Variants in DIAPH2 observed in about 807,000 individuals in gnomAD.
The protein encoded by DIAPH2 is protein diaphanous homolog 2.
Under a neutral mutation model 92.7 loss-of-function variants are expected in DIAPH2, and 35 were observed. The ratio of observed to expected loss-of-function variants is 0.38; its 90% CI spans 0.29 to 0.50. The LOEUF (loss-of-function observed/expected upper bound fraction) is 0.50. Among genes scored for constraint, DIAPH2 ranks in the 20% least tolerant of loss-of-function variants. The pLI, the probability that DIAPH2 is intolerant of heterozygous loss-of-function variation, is 0.94. For synonymous variants in DIAPH2, 301 were observed against 280.4 expected (o/e 1.07, Z -0.73); for missense variants, 701 against 819.5 (o/e 0.86, Z 1.77).
intron 1 of DIAPH2, among the ~76,000 whole-genome samples, chrX:96,727,313 A>G (rs1344461955): frequency 1.8e-5 from 2 of 112,330 alleles, no homozygotes; most frequent in Non-Finnish European, 3.8e-5. Context: ...TTTCTAAAAT[A>G]CCATTTTCTC....
At chrX:97,534,208 T>G (rs2071080507) in intron 26 of DIAPH2, among the ~76,000 whole-genome samples, 1 of 111,727 alleles carries the variant, frequency 9.0e-6, no homozygotes, top group Non-Finnish European at 1.9e-5. Context: ...CCTTTGCTTT[T>G]CCATCTCTTT....
At chrX:97,187,978 G>A (rs2067621856) in intron 22 of DIAPH2, among the ~76,000 whole-genome samples, 2 of 111,787 alleles carry the variant, frequency 1.8e-5, no homozygotes, top group South Asian at 7.5e-4. Context: ...TTTAGATTTA[G>A]TTCTGGATTA....
chrX:97,040,296 A>G (rs2066439942), intron 17 of DIAPH2, among the ~76,000 whole-genome samples: 1 of 109,402 alleles, frequency 9.1e-6, no homozygotes. Flanking sequence ...ATCTCTCAAC[A>G]GTTTTGCCTA....
At chrX:97,013,988 G>A (rs1473631617) in intron 17 of DIAPH2, among the ~76,000 whole-genome samples, 2 of 112,361 alleles carry the variant, frequency 1.8e-5, no homozygotes, top group Non-Finnish European at 3.8e-5. Context: ...GAATGGCTCT[G>A]ATGATAGAAA....
At chrX:97,067,185 A>G (rs1043172450) in intron 17 of DIAPH2, among the ~76,000 whole-genome samples, 4 of 111,941 alleles carry the variant, frequency 3.6e-5, no homozygotes, top group African/African-American at 1.3e-4. Context: ...ATTCCTCACA[A>G]AACAGACTCG....
At chrX:97,581,141 T>C (rs1189551744) in intron 26 of DIAPH2, among the ~76,000 whole-genome samples, 1 of 99,761 alleles carries the variant, frequency 1.0e-5, no homozygotes, top group Non-Finnish European at 2.0e-5. Context: ...CATTAATTTT[T>C]TGAAGGGTTT....
intron 26 of DIAPH2, among the ~76,000 whole-genome samples, chrX:97,457,893 G>T (rs2070421851): frequency 9.0e-6 from 1 of 111,608 alleles, no homozygotes; most frequent in Non-Finnish European, 1.9e-5. Flanking sequence ...AAATTTACTG[G>T]TGCCTTGATA....
chrX:97,144,851 G>C (rs1275297924), intron 22 of DIAPH2, among the ~76,000 whole-genome samples: 2 of 111,418 alleles, frequency 1.8e-5, no homozygotes, highest in East Asian at 2.8e-4. Context: ...TGCAACATCT[G>C]CCTCCCGCGC....
intron 4 of DIAPH2, among the ~76,000 whole-genome samples, chrX:96,852,465 A>G (rs1183179702): frequency 1.8e-5 from 2 of 112,302 alleles, no homozygotes; most frequent in Non-Finnish European, 3.8e-5. Context: ...TCATAATAGC[A>G]TTTTAATGAA....
intron 17 of DIAPH2, among the ~76,000 whole-genome samples, chrX:96,988,623 A>G (rs1301738122): frequency 9.0e-6 from 1 of 111,165 alleles, no homozygotes; most frequent in Non-Finnish European, 1.9e-5. Context: ...TACTATACCA[A>G]CATTTTCAAA....
intron 25 of DIAPH2, among the ~76,000 whole-genome samples, chrX:97,399,051 A>AT (rs1046620460): frequency 2.7e-5 from 3 of 111,207 alleles, no homozygotes; most frequent in South Asian, 3.8e-4. Flanking sequence ...GCCGGATGTG[A>AT]TTTTTTTTAA....
At chrX:97,076,307 A>G (rs1488091586) in intron 19 of DIAPH2, among the ~76,000 whole-genome samples, 1 of 111,890 alleles carries the variant, frequency 8.9e-6, no homozygotes, top group African/African-American at 3.3e-5. Flanking sequence ...TGAGGCAGGC[A>G]GATCACGAGG....
chrX:96,939,905 C>T (rs1363566180), intron 12 of DIAPH2, among the ~76,000 whole-genome samples: 8 of 83,580 alleles, frequency 9.6e-5, no homozygotes, highest in South Asian at 1.1e-3. Flanking sequence ...CCTCGTGATC[C>T]GCCCGTCTCG....
chrX:97,123,795 A>G (rs2067073481), intron 21 of DIAPH2, among the ~76,000 whole-genome samples: 1 of 112,458 alleles, frequency 8.9e-6, no homozygotes, highest in Non-Finnish European at 1.9e-5. Flanking sequence ...TGATTTTGTA[A>G]TCCTATGAAT....
chrX:97,094,821 A>G (rs974988512), intron 19 of DIAPH2, among the ~76,000 whole-genome samples: 3 of 111,988 alleles, frequency 2.7e-5, no homozygotes, highest in African/African-American at 6.5e-5. Context: ...GTCACGTGGT[A>G]GACATCCAGT....
chrX:97,362,522 A>G (rs907937330), intron 24 of DIAPH2, among the ~76,000 whole-genome samples: 5 of 112,487 alleles, frequency 4.4e-5, no homozygotes, highest in Admixed American at 9.4e-5. Context: ...TTTCGCTAGA[A>G]TATACTTACA....
chrX:96,723,833 G>T (rs5990234), intron 1 of DIAPH2, among the ~76,000 whole-genome samples: 20,954 of 109,180 alleles, frequency 0.19, 1,532 homozygotes, highest in East Asian at 0.32. Flanking sequence ...TAGGAATTTT[G>T]TAAAAAACTT....
Position 97,461,234 on chromosome X carries a change from C to CTT in DIAPH2, c.3241+31502_3241+31503dup, listed in dbSNP as rs11382843. On this transcript the variant is annotated intron_variant, in intron 26 of 26. Coordinates refer to ENST00000324765, the MANE Select transcript of DIAPH2 (RefSeq NM_006729.5). Reference sequence around the variant, plus strand: ...ACTCAAAATTCTAAGACTAGTTTGTCTTTTTTTTTTTTTTGTAGCAAATAT... The same window carrying CTT: ...ACTCAAAATTCTAAGACTAGTTTGTCTTTTTTTTTTTTTTTTGTAGCAAATAT... Among the ~76,000 whole-genome samples, 115 of 97,934 alleles carry CTT rather than the reference C, an allele frequency of 1.2e-3. 1 individual carries two copies. The highest frequency in any genetic ancestry group is 7.0e-3 in the South Asian group (15 of 2,142). 85.0% of individuals were successfully genotyped at this position (97,934 alleles called of 115,157 possible).
intron 19 of DIAPH2, among the ~76,000 whole-genome samples, chrX:97,081,358 C>T (rs924562141): frequency 8.1e-5 from 9 of 111,075 alleles, no homozygotes; most frequent in East Asian, 2.8e-4. Context: ...CAAATGTTAT[C>T]GCTGCTTATT....
Sources: allele counts gnomAD v4.1 joint callset (sites outside exome capture counted in the v4.1 genomes callset), GRCh38; gene constraint gnomAD v4.1.1; transcripts MANE v1.5; gene names NCBI Gene and HGNC (gene_info 2026-07-23, HGNC 2026-07-21).